The following IL16 variants were observed in gnomAD, a reference collection of about 807,000 sequenced individuals.
IL16 encodes interleukin 16, also known as pro-interleukin-16.
Under a neutral mutation model 110.1 loss-of-function variants are expected in IL16, and 67 were observed. That is an observed-to-expected ratio of 0.61 (90% CI 0.50 to 0.75). The LOEUF (loss-of-function observed/expected upper bound fraction) is 0.75, where lower values mean the gene tolerates loss of function less well. IL16 is among the 30% of genes least tolerant of loss of function. IL16 has a pLI of 0.00. For missense variants in IL16, 1,545 were observed against 1,655.0 expected (o/e 0.93, Z 1.15); for synonymous variants, 689 against 662.9 (o/e 1.04, Z -0.61).
chr15:81,213,650 A>G (rs1346806191), intron 1 of IL16, among the ~76,000 whole-genome samples: 1 of 152,168 alleles, frequency 6.6e-6, no homozygotes, highest in East Asian at 1.9e-4. Context: ...AATGCCCTTC[A>G]TTGTCACTTT....
rs1007529528 is a variant in IL16, at chr15:81,309,039, G to A, written c.*241G>A. 4.8e-6 allele frequency: 2 copies of A among 414,634 alleles called. No homozygotes were observed. The highest frequency in any genetic ancestry group is 4.1e-5 in the African/African-American group (2 of 48,674). 25.7% of individuals were successfully genotyped at this position (414,634 alleles called of 1,614,324 possible). On this transcript the variant is annotated 3_prime_UTR_variant, in exon 19 of 19. Coordinates refer to ENST00000683961, the MANE Select transcript of IL16 (RefSeq NM_172217.5). ...AAATTGCAGACTGTGTAAAAAGAGAGCTTAATGATAATATTGTGGTGCCAC... is the reference window on the plus strand; with the variant it reads ...AAATTGCAGACTGTGTAAAAAGAGAACTTAATGATAATATTGTGGTGCCAC...
chr15:81,281,730 CA>C (rs150765230), intron 8 of IL16, among the ~76,000 whole-genome samples: 2,114 of 152,354 alleles, frequency 0.014, 42 homozygotes, highest in Middle Eastern at 0.054. Context: ...TTACTCAAGC[CA>C]AACAGATCTC....
chr15:81,290,453 G>T lies in IL16; in HGVS notation c.1333G>T (p.Val445Phe), dbSNP rs765357795. The T allele has an allele frequency of 4.9e-5, 79 of 1,610,156 alleles. No individual in the cohort carries two copies. The highest frequency in any genetic ancestry group is 1.0e-4 in the Admixed American group (6 of 59,604). Residue 445 changes from valine (V) to phenylalanine (F), a missense_variant and splice_region_variant, in exon 11 of 19, where the codon GTC becomes TTC. By Grantham distance (50) the Val-to-Phe change is conservative. This residue lies in a region of IL16 where 1,185 missense variants were observed against 1,238.8 expected (regional missense o/e 0.96). Coordinates refer to ENST00000683961, the MANE Select transcript of IL16 (RefSeq NM_172217.5). Reference protein sequence around the residue: ...IIVSRHPDPQVSEQQLKEAVA... With the variant: ...IIVSRHPDPQFSEQQLKEAVA... The stretch of plus-strand genomic sequence containing the variant: ...TGAGGAGATGACTGATATTTTCTAG[G>T]TCTCTGAACAGCAACTCAAAGAAGC...
chr15:81,257,296 A>T (rs567677995), intron 2 of IL16, among the ~76,000 whole-genome samples: 19 of 152,224 alleles, frequency 1.2e-4, no homozygotes, highest in Non-Finnish European at 2.1e-4. Flanking sequence ...ACTGGAAACA[A>T]TCTTTTTCAA....
chr15:81,198,212 C>T (rs761718571), intron 1 of IL16, among the ~76,000 whole-genome samples: 7 of 152,232 alleles, frequency 4.6e-5, no homozygotes, highest in Admixed American at 2.0e-4. Context: ...AGTACCCCAA[C>T]CATTTCCTGG....
rs190405411 is a variant in IL16, at chr15:81,246,003, G to C, written c.313-13769G>C. Among the ~76,000 whole-genome samples the C allele has an allele frequency of 6.6e-5, 10 of 151,934 alleles. No individual in the cohort carries two copies. In the East Asian group the frequency reaches 1.9e-3, roughly 29 times the overall value. The stretch of plus-strand genomic sequence containing the variant: ...CAGAGTGGAACTGCAATTTATTTTT[G>C]TTCATTGTTGTTATATTCAGCATCT... On this transcript the variant is annotated intron_variant, in intron 2 of 18. Coordinates refer to ENST00000683961, the MANE Select transcript of IL16 (RefSeq NM_172217.5).
At chr15:81,288,320 A>G (rs1040486259) in intron 10 of IL16, among the ~76,000 whole-genome samples, 1 of 152,066 alleles carries the variant, frequency 6.6e-6, no homozygotes, top group African/African-American at 2.4e-5. Context: ...TGGTTCCTCA[A>G]CTCTGACATA....
rs747786654 is a variant in IL16 at position 81,250,239 on chromosome 15, G to A, written c.313-9533G>A. ...GGTTGGAGTGCAGTGACGTGATCTC[G>A]GCTCACTGCAACCTCTGCCTCCTGA... On this transcript the variant is annotated intron_variant, in intron 2 of 18. Coordinates refer to ENST00000683961, the MANE Select transcript of IL16 (RefSeq NM_172217.5). Among the ~76,000 whole-genome samples, 17 of 152,064 alleles carry A rather than the reference G, an allele frequency of 1.1e-4. 1 individual carries two copies. Among genetic ancestry groups the A allele is most frequent in the East Asian group, 7.7e-4 (4 of 5,184 alleles).
At chr15:81,305,653 G>GAGATC in intron 16 of IL16, 2 of 488,702 alleles carry the variant, frequency 4.1e-6, no homozygotes, top group East Asian at 3.4e-5. Flanking sequence ...AATCGTGGTG[G>GAGATC]TACACTATAG....
rs757579432 is a variant in IL16 at position 81,299,616 on chromosome 15, G to A, written c.2290G>A (p.Ala764Thr). The A allele has an allele frequency of 1.2e-5, 19 of 1,614,056 alleles. No individual in the cohort carries two copies. Among genetic ancestry groups the A allele is most frequent in the Middle Eastern group, 1.6e-4 (1 of 6,084 alleles). ...TGGGACCCCACCAAAGCTGGACACC[G>A]CCAATGGCACTCCCAAAGTTTACAA... ...PDGTPPKLDT[A>T]NGTPKVYKSA... is the part of the protein sequence containing the mutation. The change falls in exon 14 of 19, where the codon GCC becomes ACC. Residue 764 changes from alanine to threonine, a missense_variant. By Grantham distance (58) the Ala-to-Thr change is moderately conservative. This residue lies in a region of IL16 where 1,185 missense variants were observed against 1,238.8 expected (regional missense o/e 0.96). Coordinates refer to ENST00000683961, the MANE Select transcript of IL16 (RefSeq NM_172217.5).
At chr15:81,274,202 G>A (rs1005827525) in intron 6 of IL16, among the ~76,000 whole-genome samples, 3 of 152,202 alleles carry the variant, frequency 2.0e-5, no homozygotes, top group Non-Finnish European at 4.4e-5. Context: ...GGCAGGGTAG[G>A]CACACTACAG....
intron 2 of IL16, among the ~76,000 whole-genome samples, chr15:81,243,472 A>C (rs4464042): frequency 6.6e-6 from 1 of 151,978 alleles, no homozygotes; most frequent in South Asian, 2.1e-4. Context: ...GGCATGAGCC[A>C]CCATGTCTGG....
chr15:81,300,634 A>T (rs1464185027), intron 14 of IL16, among the ~76,000 whole-genome samples, 159 bp downstream of exon 14: 2 of 151,750 alleles, frequency 1.3e-5, no homozygotes, highest in East Asian at 3.9e-4. Context: ...CAGATGTCTG[A>T]GTGTGTGTGT....
At chr15:81,263,509 A>C (rs1054645749) in intron 3 of IL16, among the ~76,000 whole-genome samples, 2 of 152,106 alleles carry the variant, frequency 1.3e-5, no homozygotes, top group African/African-American at 2.4e-5. Context: ...AATGTTCTGA[A>C]ACAGTGGGCC....
At chr15:81,183,764 A>T (rs1350614484) in intron 1 of IL16, among the ~76,000 whole-genome samples, 2 of 152,200 alleles carry the variant, frequency 1.3e-5, no homozygotes, top group Non-Finnish European at 2.9e-5. Context: ...AACCTGGGCC[A>T]TGGGGCGTGG....
intron 2 of IL16, among the ~76,000 whole-genome samples, chr15:81,244,628 G>A (rs1897471379): frequency 2.0e-5 from 3 of 151,968 alleles, no homozygotes; most frequent in African/African-American, 7.2e-5. Context: ...TATGTGTCTA[G>A]TTTTTAAAGT....
In IL16 at chr15:81,299,621, T is replaced by C. The variant is rs756613109; in HGVS notation, c.2295T>C (p.Asn765=). ...DGTPPKLDTA[N]GTPKVYKSAD... ...CCCCACCAAAGCTGGACACCGCCAATGGCACTCCCAAAGTTTACAAGTCAG... is the reference window on the plus strand; with the variant it reads ...CCCCACCAAAGCTGGACACCGCCAACGGCACTCCCAAAGTTTACAAGTCAG... The change falls in exon 14 of 19, where the codon AAT becomes AAC. Residue 765 remains asparagine (N), a synonymous_variant. Transcript: ENST00000683961. The C allele has an allele frequency of 3.1e-6, 5 of 1,614,152 alleles. No individual in the cohort carries two copies. The highest frequency in any genetic ancestry group is 4.2e-6 in the Non-Finnish European group (5 of 1,180,030).
chr15:81,213,910 C>G (rs998009648), intron 1 of IL16, among the ~76,000 whole-genome samples: 1 of 152,038 alleles, frequency 6.6e-6, no homozygotes. Flanking sequence ...GATTTTGATC[C>G]TGTCCTCATG....
At chr15:81,289,676 G>A (rs779136494) in intron 10 of IL16, among the ~76,000 whole-genome samples, 8 of 152,086 alleles carry the variant, frequency 5.3e-5, no homozygotes, top group Non-Finnish European at 7.4e-5. Flanking sequence ...TATATAATCT[G>A]CAACTCAACT....
Sources: gnomAD v4.1 joint callset for allele counts (sites outside exome capture counted in the v4.1 genomes callset) on GRCh38, gnomAD v4.1.1 for gene constraint, gnomAD v4.1.1 regional missense constraint, MANE v1.5 for transcripts, NCBI Gene and HGNC (gene_info 2026-07-23, HGNC 2026-07-21) for gene names.